Variants in C17orf75 observed in about 807,000 individuals in gnomAD.
C17orf75 encodes protein Njmu-R1.
A neutral mutation model predicts 49.6 loss-of-function variants in C17orf75; 32 were observed. The ratio of observed to expected loss-of-function variants is 0.65; its 90% CI spans 0.49 to 0.87. The LOEUF is 0.87. Ranked by LOEUF, C17orf75 falls within the 40% of genes least tolerant of loss-of-function variation. The pLI, the probability that C17orf75 is intolerant of heterozygous loss-of-function variation, is 0.00. For missense variants in C17orf75, 428 were observed against 473.9 expected (o/e 0.90, Z 0.90); for synonymous variants, 158 against 159.5 (o/e 0.99, Z 0.07).
At chr17:32,348,312 T>A (rs200803093) in intron 1 of C17orf75, among the ~76,000 whole-genome samples, 1 of 152,154 alleles carries the variant, frequency 6.6e-6, no homozygotes, top group East Asian at 1.9e-4. Flanking sequence ...TGTGAGCCAC[T>A]GCGCACAGCC....
At chr17:32,342,292 G>A, upstream of C17orf75, 1 of 1,282,958 alleles carries the variant, frequency 7.8e-7, no homozygotes, top group Non-Finnish European at 1.0e-6. Flanking sequence ...GCCTGGAAAG[G>A]GAGTCTCTTC....
At chr17:32,335,165 T>C (rs374835143) in intron 6 of C17orf75, among the ~76,000 whole-genome samples, 158 bp downstream of exon 6, 95 of 152,354 alleles carry the variant, frequency 6.2e-4, no homozygotes, top group African/African-American at 2.1e-3. Context: ...AATATCACTT[T>C]CTAGATCTGA....
chr17:32,346,763 G>A (rs1265250006), upstream of C17orf75, among the ~76,000 whole-genome samples: 2 of 151,974 alleles, frequency 1.3e-5, no homozygotes, highest in Non-Finnish European at 2.9e-5. Flanking sequence ...AGCAGAGACA[G>A]GGTTTCACCA....
chr17:32,348,971 T>G (rs560304384), intron 1 of C17orf75, among the ~76,000 whole-genome samples: 75 of 148,936 alleles, frequency 5.0e-4, no homozygotes, highest in African/African-American at 1.5e-3. Context: ...GTCCAAGTGA[T>G]TCTCCTGCCT....
At chr17:32,333,648 T>C (rs1247443503) in intron 8 of C17orf75, 128 bp from the exon 9 acceptor site, 1 of 750,066 alleles carries the variant, frequency 1.3e-6, no homozygotes, top group Non-Finnish European at 2.1e-6. Flanking sequence ...ACTATATCGT[T>C]AGTAGAGATG....
chr17:32,337,802 C>T, intron 5 of C17orf75, 95 bp downstream of exon 5: 1 of 1,063,068 alleles, frequency 9.4e-7, no homozygotes, highest in Non-Finnish European at 1.4e-6. Context: ...TGTGATCTGC[C>T]CACCTCGGCC....
intron 3 of C17orf75, 141 bp downstream of exon 3, chr17:32,339,672 T>A: frequency 9.7e-7 from 1 of 1,035,598 alleles, no homozygotes; most frequent in Non-Finnish European, 1.4e-6. Context: ...AATGTTTATG[T>A]GTGAGGCCCA....
upstream of C17orf75, chr17:32,343,892 A>T (rs2041404348): frequency 1.5e-6 from 1 of 679,824 alleles, no homozygotes; most frequent in Admixed American, 2.0e-5. Context: ...CACAGTCATG[A>T]GGATGGTAGA....
Position 32,339,869 on chromosome 17 carries a change from A to G in C17orf75, c.291T>C (p.Arg97=). 1 of 1,614,036 alleles carries G rather than the reference A, an allele frequency of 6.2e-7. No homozygotes were observed. The highest frequency in any genetic ancestry group is 8.5e-7 in the Non-Finnish European group (1 of 1,179,896). ...CTTCAAAGACTGCACCTCTTGAAAG[A>G]CGCTTAGCAATGAAACTGCGCAGCT... is the stretch of plus-strand genomic sequence containing the variant. ...EPELRSFIAK[R]LSRGAVFEGL... The change falls in exon 3 of 10, where the codon CGT becomes CGC. Residue 97 remains arginine, a synonymous_variant. Coordinates refer to ENST00000577809, the MANE Select transcript of C17orf75 (RefSeq NM_022344.4).
chr17:32,343,687 C>T (rs1195228484), upstream of C17orf75: 9 of 553,466 alleles, frequency 1.6e-5, no homozygotes, highest in Admixed American at 1.3e-4. Context: ...TGTCTTCATT[C>T]GCAATGGGTA....
intron 9 of C17orf75, among the ~76,000 whole-genome samples, chr17:32,332,859 G>C (rs1195672553): frequency 6.6e-6 from 1 of 151,910 alleles, no homozygotes; most frequent in Non-Finnish European, 1.5e-5. Context: ...ACCTAGGTCG[G>C]AGTGCAGTGG....
In C17orf75 at chr17:32,348,867, C is replaced by CTTTTTTATTT. The variant is rs1555602365; in HGVS notation, c.-7+1074_-7+1075insAAATAAAAAA. Among the ~76,000 whole-genome samples the CTTTTTTATTT allele has an allele frequency of 1.4e-4, 15 of 108,862 alleles. 1 individual carries two copies. The highest frequency in any genetic ancestry group is 4.1e-4 in the African/African-American group (11 of 26,536). The allele number at this position is 108,862 out of a possible 152,430, so 71.4% of individuals were successfully genotyped here. On this transcript the variant is annotated intron_variant, in intron 1 of 8. Coordinates refer to the C17orf75 transcript ENST00000583774. ...CAGCACCTTCACTGACAGCTCCAGTCTTTTTTTTTTTTTTTTGAGACGGAG... is the reference window on the plus strand; with the variant it reads ...CAGCACCTTCACTGACAGCTCCAGTCTTTTTTATTTTTTTTTTTTTTTTTTTGAGACGGAG...
At position 32,342,070 on chromosome 17, in the gene C17orf75, A is replaced by G. The variant is rs2150779623; in HGVS notation, c.70T>C (p.Ser24Pro). The change falls in exon 1 of 10, where the codon TCA (serine) becomes CCA (proline). Residue 24 changes from serine to proline, a missense_variant. By Grantham distance (74) the Ser-to-Pro change is moderately conservative. Transcript: ENST00000577809. The stretch of plus-strand genomic sequence containing the variant: ...GGCTCGAGTCTCCGCTCCTCGGCTG[A>G]GCCTCCCTCTTCGCTGCTCTCTAGT... ...KELESSEEGGSAEERRLEPPS... is the reference protein window; with the variant it reads ...KELESSEEGGPAEERRLEPPS... 1 of 1,579,832 alleles carries G rather than the reference A, an allele frequency of 6.3e-7. No individual in the cohort carries two copies. Among genetic ancestry groups the G allele is most frequent in the South Asian group, 1.2e-5 (1 of 86,420 alleles).
At chr17:32,344,914 AAT>A (rs1486739547), upstream of C17orf75, among the ~76,000 whole-genome samples, 9 of 151,946 alleles carry the variant, frequency 5.9e-5, no homozygotes, top group African/African-American at 2.2e-4. Flanking sequence ...CTCAAAAAAA[AAT>A]AAATAAAAAT....
intron 1 of C17orf75, among the ~76,000 whole-genome samples, chr17:32,349,783 TAGCATTTAATAG>T (rs1177683858): frequency 6.6e-6 from 1 of 152,196 alleles, no homozygotes; most frequent in Non-Finnish European, 1.5e-5. Context: ...TTATTTGGTT[TAGCATTTAATAG>T]GCACATAATC....
chr17:32,331,690 A>AATT lies in C17orf75; in HGVS notation c.*70_*72dup. ...CATCTTAAATAGCAATCCTATGAAC[A>AATT]ATTATAACTGCAATTTCAAACACTA... On this transcript the variant is annotated 3_prime_UTR_variant, in exon 10 of 10. Coordinates refer to ENST00000577809, the MANE Select transcript of C17orf75 (RefSeq NM_022344.4). The AATT allele has an allele frequency of 1.6e-6, 2 of 1,214,806 alleles. No homozygotes were observed. Among genetic ancestry groups the AATT allele is most frequent in the Non-Finnish European group, 1.2e-6 (1 of 836,640 alleles). 75.3% of individuals were successfully genotyped at this position (1,214,806 alleles called of 1,614,324 possible).
chr17:32,336,741 CAT>C, intron 5 of C17orf75, among the ~76,000 whole-genome samples: 2 of 152,288 alleles, frequency 1.3e-5, no homozygotes, highest in Middle Eastern at 3.4e-3. Flanking sequence ...CCTCGCCAGG[CAT>C]GTTACTACAT....
chr17:32,344,355 C>A (rs143043650), upstream of C17orf75, among the ~76,000 whole-genome samples: 1 of 152,100 alleles, frequency 6.6e-6, no homozygotes, highest in Non-Finnish European at 1.5e-5. Context: ...TGGTGGCTCA[C>A]GCCTGTAATC....
Position 32,328,897 on chromosome 17 carries a change from AAAAC to A in C17orf75, c.*2862_*2865del, listed in dbSNP as rs1392186296. The A allele has an allele frequency of 3.5e-5, 3 of 84,832 alleles. No individual in the cohort carries two copies. 5.3% of individuals were successfully genotyped at this position (84,832 alleles called of 1,614,324 possible). On this transcript the variant is annotated 3_prime_UTR_variant, in exon 10 of 10. Transcript: ENST00000577809. ...AGAGCGAGATTCTGTCTTAAAAAAT[AAAAC>A]AAAAACAAAAAAAAAAACAACTTTA...
Sources: gnomAD v4.1 joint callset for allele counts (sites outside exome capture counted in the v4.1 genomes callset) on GRCh38, gnomAD v4.1.1 for gene constraint, MANE v1.5 for transcripts, NCBI Gene and HGNC (gene_info 2026-07-23, HGNC 2026-07-21) for gene names.